Variants in PSMD14 observed in about 807,000 individuals in gnomAD.
The protein encoded by PSMD14 is ubiquitin C-terminal hydrolase PSMD14.
PSMD14 carries 7 observed loss-of-function variants against 41.2 expected under a neutral mutation model. The ratio of observed to expected loss-of-function variants is 0.17; its 90% CI spans 0.10 to 0.32. PSMD14 has a LOEUF of 0.32. PSMD14 is among the 10% of genes least tolerant of loss of function. The probability of loss-of-function intolerance (pLI) is 1.00; values close to 1 mark genes in which losing one functional copy is unlikely to be tolerated. For missense variants in PSMD14, 139 were observed against 375.6 expected (o/e 0.37, Z 5.21); for synonymous variants, 114 against 122.3 (o/e 0.93, Z 0.45).
intron 3 of PSMD14, chr2:161,341,011 C>T (rs1682947525): frequency 6.2e-7 from 1 of 1,611,132 alleles, no homozygotes; most frequent in Non-Finnish European, 8.5e-7. Flanking sequence ...GCCTGCTCCT[C>T]CGCCTCCGCT....
In PSMD14 at chr2:161,395,197, C is replaced by T. The variant is rs547423734; in HGVS notation, c.765C>T (p.Tyr255=). The T allele has an allele frequency of 2.1e-5, 33 of 1,583,240 alleles. 1 individual carries two copies. The South Asian group carries it at 3.5e-4, about 17-fold the overall frequency. ...VKEMLELAKN[Y]NKAVEEEDKM... is the part of the protein sequence containing the mutation. ...AGATGTTGGAATTAGCCAAGAATTA[C>T]AATAAGGTAAAAGTTACTTCTGCCA... The change falls in exon 10 of 12, where the codon TAC becomes TAT. Residue 255 remains tyrosine, a synonymous_variant. Transcript: ENST00000409682.
intron 9 of PSMD14, among the ~76,000 whole-genome samples, chr2:161,393,971 A>ATTTTTTTTTTTTTTTTTTTTT (rs11452254): frequency 9.9e-6 from 1 of 100,892 alleles, no homozygotes; most frequent in Non-Finnish European, 1.9e-5. Context: ...ACACTAGATA[A>ATTTTTTTTTTTTTTTTTTTTT]TTTTTTTTTT....
chr2:161,341,654 A>G (rs2105242254), intron 3 of PSMD14, among the ~76,000 whole-genome samples: 1 of 151,476 alleles, frequency 6.6e-6, no homozygotes, highest in African/African-American at 2.4e-5. Flanking sequence ...TCTGACTAAC[A>G]CGGTGAAACC....
At chr2:161,359,910 T>G (rs1683265663) in intron 3 of PSMD14, among the ~76,000 whole-genome samples, 1 of 152,220 alleles carries the variant, frequency 6.6e-6, no homozygotes, top group South Asian at 2.1e-4. Context: ...TCGATGTAGA[T>G]GTATATTTGA....
chr2:161,408,621 G>A (rs530108880), intron 10 of PSMD14: 104 of 474,558 alleles, frequency 2.2e-4, no homozygotes, highest in Admixed American at 1.5e-3. Flanking sequence ...AATACTTTCT[G>A]TGTATTTCTT....
At chr2:161,371,971 T>C (rs949255778) in intron 7 of PSMD14, among the ~76,000 whole-genome samples, 30 of 152,020 alleles carry the variant, frequency 2.0e-4, no homozygotes, top group Non-Finnish European at 3.7e-4. Context: ...TTCTTTCTTT[T>C]TTTTTTTTAT....
chr2:161,343,749 G>C (rs770250594), intron 3 of PSMD14, among the ~76,000 whole-genome samples: 1 of 152,120 alleles, frequency 6.6e-6, no homozygotes, highest in Non-Finnish European at 1.5e-5. Flanking sequence ...AATCGCTTGA[G>C]CCTGGGAAGT....
chr2:161,396,260 C>T (rs773609874), intron 10 of PSMD14, among the ~76,000 whole-genome samples: 1 of 152,102 alleles, frequency 6.6e-6, no homozygotes, highest in African/African-American at 2.4e-5. Flanking sequence ...GAACAGATCC[C>T]GCAATCCCAC....
intron 7 of PSMD14, among the ~76,000 whole-genome samples, chr2:161,380,829 T>C (rs1321375116): frequency 6.6e-6 from 1 of 151,996 alleles, no homozygotes; most frequent in African/African-American, 2.4e-5. Flanking sequence ...TTTTCTCTTA[T>C]AGATGTCTGG....
chr2:161,398,480 C>CGT (rs1683832233), intron 10 of PSMD14, among the ~76,000 whole-genome samples: 1 of 152,008 alleles, frequency 6.6e-6, no homozygotes, highest in Non-Finnish European at 1.5e-5. Flanking sequence ...TGAACCACAA[C>CGT]ACCCACAGTT....
intron 3 of PSMD14, among the ~76,000 whole-genome samples, chr2:161,344,043 A>T (rs530502956): frequency 6.9e-6 from 1 of 144,252 alleles, no homozygotes; most frequent in Admixed American, 6.9e-5. Context: ...TCTAGAGATT[A>T]TTTAAAGTGT....
At chr2:161,388,173 C>G (rs542011692) in intron 8 of PSMD14, among the ~76,000 whole-genome samples, 37 of 152,046 alleles carry the variant, frequency 2.4e-4, no homozygotes, top group Non-Finnish European at 4.6e-4. Flanking sequence ...AATATTGATG[C>G]ATAGATGCAT....
intron 9 of PSMD14, among the ~76,000 whole-genome samples, chr2:161,391,980 T>C (rs1465661911): frequency 2.0e-5 from 3 of 152,218 alleles, no homozygotes; most frequent in Non-Finnish European, 4.4e-5. Context: ...GGTTTTCAGA[T>C]AATTTGTACT....
intron 7 of PSMD14, among the ~76,000 whole-genome samples, chr2:161,377,457 A>G (rs1683518718): frequency 6.6e-6 from 1 of 151,906 alleles, no homozygotes; most frequent in African/African-American, 2.4e-5. Flanking sequence ...CTAAGAAAAT[A>G]TTATAGGTAC....
At chr2:161,338,800 T>C (rs919155858) in intron 3 of PSMD14, among the ~76,000 whole-genome samples, 4 of 152,148 alleles carry the variant, frequency 2.6e-5, no homozygotes, top group Admixed American at 1.3e-4. Context: ...CCCAGTGTAG[T>C]CCCTTTCCTT....
chr2:161,385,418 C>A, intron 7 of PSMD14, 46 bp from the exon 8 acceptor site: 1 of 1,138,438 alleles, frequency 8.8e-7, no homozygotes, highest in Non-Finnish European at 1.3e-6. Flanking sequence ...TTGGCATTAT[C>A]ACTTGCTTTT....
At chr2:161,381,349 A>T (rs183204637) in intron 7 of PSMD14, 32 of 151,704 alleles carry the variant, frequency 2.1e-4, no homozygotes, top group African/African-American at 7.2e-4. Flanking sequence ...TGCATCATAA[A>T]TTCTTAAAAC....
In PSMD14 at chr2:161,369,363, A is replaced by T. The variant is rs535686504; in HGVS notation, c.241-744A>T. On this transcript the variant is annotated intron_variant, in intron 5 of 11. Transcript: ENST00000409682. ...CTGTTGCATATTCTTCTTCTTTTTTAAGACAGTCCTTTTAAAGTATATATA... is the reference window on the plus strand; with the variant it reads ...CTGTTGCATATTCTTCTTCTTTTTTTAGACAGTCCTTTTAAAGTATATATA... Among the ~76,000 whole-genome samples, 87 of 152,044 alleles carry T rather than the reference A, an allele frequency of 5.7e-4. 1 individual carries two copies. Among genetic ancestry groups the T allele is most frequent in the Admixed American group, 1.5e-3 (23 of 15,256 alleles).
rs1684026017 is a variant in PSMD14 at position 161,411,559 on chromosome 2, C to G, written c.*159C>G. The G allele has an allele frequency of 4.9e-6, 2 of 406,416 alleles. No homozygotes were observed. The highest frequency in any genetic ancestry group is 1.6e-4 in the South Asian group (2 of 12,412). The allele number at this position is 406,416 out of a possible 1,614,324, so 25.2% of individuals were successfully genotyped here. A position where few individuals can be genotyped will look rare whatever the true frequency, so the allele number is the denominator to read the frequency against. On this transcript the variant is annotated 3_prime_UTR_variant, in exon 12 of 12. Coordinates refer to ENST00000409682, the MANE Select transcript of PSMD14 (RefSeq NM_005805.6). ...ACCTTCAGTCTCAGTTGTGCAATTA[C>G]TTCTGTTTCTTTAGTCAGGGTCTTT...
Sources: gnomAD v4.1 joint callset for allele counts (sites outside exome capture counted in the v4.1 genomes callset) on GRCh38, gnomAD v4.1.1 for gene constraint, MANE v1.5 for transcripts, NCBI Gene and HGNC (gene_info 2026-07-23, HGNC 2026-07-21) for gene names.